NFATC1: variants seen among roughly 807,000 people sequenced by gnomAD.
NFATC1 encodes nuclear factor of activated T-cells, cytoplasmic 1.
In NFATC1, 22 loss-of-function variants were observed where a neutral mutation model predicts 76.0. The observed-to-expected ratio is 0.29, with a 90% CI of 0.21 to 0.41. The LOEUF (loss-of-function observed/expected upper bound fraction) is 0.41, where lower values mean the gene tolerates loss of function less well. NFATC1 is among the 10% of genes least tolerant of loss of function. NFATC1 has a pLI of 1.00. For missense variants in NFATC1, 1,357 were observed against 1,337.7 expected (o/e 1.01, Z -0.23); for synonymous variants, 704 against 613.1 (o/e 1.15, Z -2.19).
chr18:79,492,168 G>C (rs2089697777), intron 9 of NFATC1, among the ~76,000 whole-genome samples: 1 of 152,166 alleles, frequency 6.6e-6, no homozygotes. Flanking sequence ...ATCCCTGAGG[G>C]GTCTGAGGAG....
intron 1 of NFATC1, among the ~76,000 whole-genome samples, chr18:79,400,903 G>A (rs375183491): frequency 0.034 from 17 of 498 alleles, no homozygotes; most frequent in East Asian, 0.12. Flanking sequence ...CCCTCCCCCT[G>A]ACCTCCCGCC....
At chr18:79,427,897 A>AGCTGGACGGCTGGCCTCTGTGCAGTGAG (rs2086448234) in intron 2 of NFATC1, among the ~76,000 whole-genome samples, 1 of 12,168 alleles carries the variant, frequency 8.2e-5, no homozygotes, top group African/African-American at 3.7e-4. Context: ...TGAGTCGGGG[A>AGCTGGACGGCTGGCCTCTGTGCAGTGAG]GGGGGGTGGC....
chr18:79,470,832 C>T (rs1381319044), intron 8 of NFATC1: 1 of 152,270 alleles, frequency 6.6e-6, no homozygotes, highest in Non-Finnish European at 1.5e-5. Flanking sequence ...GCAGGGGGCC[C>T]CCGGGCTCAG....
intron 3 of NFATC1, among the ~76,000 whole-genome samples, chr18:79,437,571 T>C (rs11663659): frequency 0.28 from 42,080 of 152,118 alleles, 6,316 homozygotes; most frequent in African/African-American, 0.41. Context: ...GCATTTCCAG[T>C]GAGGCATGAA....
chr18:79,477,031 C>T (rs555443037), intron 8 of NFATC1, among the ~76,000 whole-genome samples: 33 of 152,304 alleles, frequency 2.2e-4, no homozygotes, highest in African/African-American at 7.7e-4. Context: ...GCAGATTTAC[C>T]CCATGGTGGG....
intron 9 of NFATC1, among the ~76,000 whole-genome samples, chr18:79,512,279 G>A (rs1464594479): frequency 1.3e-5 from 2 of 152,184 alleles, no homozygotes; most frequent in Non-Finnish European, 2.9e-5. Context: ...TGCCCTGGGA[G>A]GTAAATAAAC....
chr18:79,473,850 ACTGT>A (rs1569005088), intron 8 of NFATC1, among the ~76,000 whole-genome samples: 1 of 143,382 alleles, frequency 7.0e-6, no homozygotes, highest in Non-Finnish European at 1.5e-5. Context: ...TCTCACACTC[ACTGT>A]CAACGTTGTA....
In NFATC1 at chr18:79,506,263, C is replaced by T. The variant is rs748666682; in HGVS notation, c.2782+19326C>T. 2.7e-4 allele frequency among the ~76,000 whole-genome samples: 41 copies of T among 152,246 alleles called. 1 individual carries two copies. The highest frequency in any genetic ancestry group is 6.2e-4 in the South Asian group (3 of 4,826). On this transcript the variant is annotated intron_variant, in intron 9 of 9. Transcript: ENST00000427363. ...TGTGGAGAGGAACAGTGGTCTCGGC[C>T]GAGCAGCGGCTGTGGGCACCTGCGT...
In NFATC1 at chr18:79,476,665, C is replaced by A. The variant is rs141276306; in HGVS notation, c.2092+9083C>A. On this transcript the variant is annotated intron_variant, in intron 8 of 9. Coordinates refer to ENST00000427363, the MANE Select transcript of NFATC1 (RefSeq NM_001278669.2). ...TGTTGCTCGGGGTCGACGTGATAAA[C>A]CTGAGGGAAAGGGAATTCTCTCACC... Among the ~76,000 whole-genome samples the A allele has an allele frequency of 5.3e-3, 813 of 152,226 alleles. 11 individuals are homozygous for A. Among genetic ancestry groups the A allele is most frequent in the African/African-American group, 0.018 (754 of 41,530 alleles).
intron 3 of NFATC1, among the ~76,000 whole-genome samples, chr18:79,439,397 G>A (rs1448702692): frequency 6.6e-6 from 1 of 151,488 alleles, no homozygotes; most frequent in African/African-American, 2.4e-5. Flanking sequence ...GCCGTGGGGT[G>A]GAAACTAAAG....
At chr18:79,425,473 G>A (rs1157434161) in intron 2 of NFATC1, among the ~76,000 whole-genome samples, 2 of 152,176 alleles carry the variant, frequency 1.3e-5, no homozygotes, top group East Asian at 1.9e-4. Flanking sequence ...CTGTCGCTTC[G>A]TCTGTCTGGA....
At chr18:79,428,422 G>A (rs1455722115) in intron 2 of NFATC1, among the ~76,000 whole-genome samples, 3 of 152,182 alleles carry the variant, frequency 2.0e-5, no homozygotes, top group Admixed American at 1.3e-4. Context: ...TGGGTGAGCC[G>A]GACCCATTGG....
intron 8 of NFATC1, among the ~76,000 whole-genome samples, chr18:79,481,151 C>G (rs1432630213): frequency 6.6e-6 from 1 of 152,254 alleles, no homozygotes; most frequent in Non-Finnish European, 1.5e-5. Flanking sequence ...GCCTCTGGGG[C>G]TCCCCATCGT....
chr18:79,423,441 A>G (rs2086170860), intron 2 of NFATC1, among the ~76,000 whole-genome samples: 1 of 152,142 alleles, frequency 6.6e-6, no homozygotes, highest in Non-Finnish European at 1.5e-5. Context: ...GCTCCCTCCC[A>G]TGCGGACCCG....
At chr18:79,443,976 G>C (rs1164672498) in intron 3 of NFATC1, among the ~76,000 whole-genome samples, 2 of 152,206 alleles carry the variant, frequency 1.3e-5, no homozygotes, top group Non-Finnish European at 2.9e-5. Flanking sequence ...GCCTGGCCCT[G>C]CTCCTGCAAG....
chr18:79,518,274 A>G (rs570120923), intron 9 of NFATC1, among the ~76,000 whole-genome samples: 2 of 152,372 alleles, frequency 1.3e-5, no homozygotes, highest in Admixed American at 1.3e-4. Flanking sequence ...GCTGCGTCCA[A>G]TGACAGGCAC....
rs190143163 is a variant in NFATC1 at position 79,495,769 on chromosome 18, G to A, written c.2782+8832G>A. Among the ~76,000 whole-genome samples, 31 of 152,366 alleles carry A rather than the reference G, an allele frequency of 2.0e-4. No homozygotes were observed. The East Asian group carries it at 5.0e-3, about 25-fold the overall frequency. The stretch of plus-strand genomic sequence containing the variant: ...AGCCGTGAACAGTGGTAAGGCGTTC[G>A]CGAGTCATTGTAACGTAGGCAGGCC... On this transcript the variant is annotated intron_variant, in intron 9 of 9. Transcript: ENST00000427363.
intron 4 of NFATC1, 32 bp from the exon 5 acceptor site, chr18:79,450,922 A>G (rs747046937): frequency 4.4e-6 from 7 of 1,599,338 alleles, no homozygotes; most frequent in African/African-American, 1.3e-5. Context: ...TCAGCCATTG[A>G]AAGAAAAGCT....
intron 2 of NFATC1, among the ~76,000 whole-genome samples, chr18:79,413,477 C>T (rs779842143): frequency 3.3e-5 from 5 of 152,210 alleles, no homozygotes; most frequent in Admixed American, 6.5e-5. Flanking sequence ...CTCCATCCAC[C>T]GTGCATGTCT....
Sources: gnomAD v4.1 joint callset for allele counts (sites outside exome capture counted in the v4.1 genomes callset) on GRCh38, gnomAD v4.1.1 for gene constraint, MANE v1.5 for transcripts, NCBI Gene and HGNC (gene_info 2026-07-23, HGNC 2026-07-21) for gene names.